RAET1E: variants seen among roughly 807,000 people sequenced by gnomAD.
RAET1E encodes retinoic acid early transcript 1E.
A neutral mutation model predicts 21.1 loss-of-function variants in RAET1E; 27 were observed. The ratio of observed to expected loss-of-function variants is 1.28; its 90% CI spans 0.94 to 1.76. The LOEUF (loss-of-function observed/expected upper bound fraction) is 1.76, where lower values mean the gene tolerates loss of function less well. Among genes scored for constraint, RAET1E ranks in the 40% most tolerant of loss-of-function variants. The probability of loss-of-function intolerance (pLI) is 0.00; values close to 1 mark genes in which losing one functional copy is unlikely to be tolerated. For synonymous variants in RAET1E, 113 were observed against 115.0 expected (o/e 0.98, Z 0.11); for missense variants, 310 against 311.3 (o/e 1.00, Z 0.03).
In RAET1E at chr6:149,890,161, G is replaced by T; in HGVS notation, c.86-16C>A. On this transcript the variant is annotated splice_polypyrimidine_tract_variant and intron_variant, in intron 3 of 5. Coordinates refer to ENST00000357183, the MANE Select transcript of RAET1E (RefSeq NM_001394057.1). ...GAGTGACCACCTGTGAGACAAAGAT[G>T]CAGGTGAGGTCCAGGACAGGGGAAG... 1 of 1,613,566 alleles carries T rather than the reference G, an allele frequency of 6.2e-7. No homozygotes were observed. Among genetic ancestry groups the T allele is most frequent in the Admixed American group, 1.7e-5 (1 of 59,974 alleles).
chr6:149,885,042 G>A lies in RAET1E; in HGVS notation c.*3456C>T, dbSNP rs1386106182. Among the ~76,000 whole-genome samples, 1 of 152,132 alleles carries A rather than the reference G, an allele frequency of 6.6e-6. No individual in the cohort carries two copies. Among genetic ancestry groups the A allele is most frequent in the Non-Finnish European group, 1.5e-5 (1 of 68,000 alleles). On this transcript the variant is annotated 3_prime_UTR_variant, in exon 6 of 6. Coordinates refer to ENST00000357183, the MANE Select transcript of RAET1E (RefSeq NM_001394057.1). ...AGCCTGCTTTGTTGGAGCCCAGGCA[G>A]CCTTCTTCATTATGTCCTCCTAGGA... is the stretch of plus-strand genomic sequence containing the variant.
chr6:149,889,258 T>A (rs940438491), intron 5 of RAET1E, 90 bp downstream of exon 5: 37 of 1,527,574 alleles, frequency 2.4e-5, no homozygotes, highest in Non-Finnish European at 3.1e-5. Context: ...TCAATCAAAT[T>A]TTCTATCGCA....
rs200618367 is a variant in RAET1E, at chr6:149,888,145, C to T, written c.*353G>A. The T allele has an allele frequency of 2.4e-5, 13 of 540,838 alleles. No individual in the cohort carries two copies. The highest frequency in any genetic ancestry group is 8.0e-5 in the Admixed American group (4 of 49,806). 33.5% of individuals were successfully genotyped at this position (540,838 alleles called of 1,614,324 possible). A position where few individuals can be genotyped will look rare whatever the true frequency, so the allele number is the denominator to read the frequency against. Reference sequence around the variant, plus strand: ...TGGGAGTAAATGCTGCAGCCACAAGCGCCACCAGCAAGTCTTCTCAGGGTG... The same window carrying T: ...TGGGAGTAAATGCTGCAGCCACAAGTGCCACCAGCAAGTCTTCTCAGGGTG... On this transcript the variant is annotated 3_prime_UTR_variant, in exon 6 of 6. Coordinates refer to ENST00000357183, the MANE Select transcript of RAET1E (RefSeq NM_001394057.1).
In RAET1E at chr6:149,886,888, G is replaced by A. The variant is rs7768665; in HGVS notation, c.*1610C>T. On this transcript the variant is annotated 3_prime_UTR_variant, in exon 6 of 6. Coordinates refer to ENST00000357183, the MANE Select transcript of RAET1E (RefSeq NM_001394057.1). ...TAGGAATGTGTCATGGGCACACAAA[G>A]CTCTTTTTCCCTGGGTGCTGCTCTT... is the stretch of plus-strand genomic sequence containing the variant. 0.44 allele frequency among the ~76,000 whole-genome samples: 67,427 copies of A among 152,072 alleles called. 15,643 individuals carry two copies. Among genetic ancestry groups the A allele is most frequent in the East Asian group, 0.88 (4,564 of 5,164 alleles).
At position 149,886,896 on chromosome 6, in the gene RAET1E, T is replaced by G. The variant is rs558177055; in HGVS notation, c.*1602A>C. On this transcript the variant is annotated 3_prime_UTR_variant, in exon 6 of 6. Transcript: ENST00000357183. ...TGTCATGGGCACACAAAGCTCTTTT[T>G]CCCTGGGTGCTGCTCTTCCCCGTGA... Among the ~76,000 whole-genome samples, 164 of 152,350 alleles carry G rather than the reference T, an allele frequency of 1.1e-3. No individual in the cohort carries two copies. The highest frequency in any genetic ancestry group is 2.0e-3 in the Non-Finnish European group (134 of 68,030).
rs1777665548 is a variant in RAET1E at position 149,887,620 on chromosome 6, T to C, written c.*878A>G. Among the ~76,000 whole-genome samples the C allele has an allele frequency of 6.6e-6, 1 of 152,232 alleles. No homozygotes were observed. The highest frequency in any genetic ancestry group is 2.4e-5 in the African/African-American group (1 of 41,462). On this transcript the variant is annotated 3_prime_UTR_variant, in exon 6 of 6. Transcript: ENST00000357183. ...AGAATCATTTCTTACATCAGAAACA[T>C]TGATCCTCAGTGAGTCAGATGGAGT...
In RAET1E at chr6:149,883,662, A is replaced by C. The variant is rs950443958; in HGVS notation, c.*4836T>G. On this transcript the variant is annotated 3_prime_UTR_variant, in exon 6 of 6. Transcript: ENST00000357183. ...CAGTGAGCCGGGATCGCACCACTAC[A>C]CTCCAGCCTGGGAGATAGAGTGAGA... is the stretch of plus-strand genomic sequence containing the variant. 5.8e-5 allele frequency: 9 copies of C among 154,076 alleles called. No individual in the cohort carries two copies. Among genetic ancestry groups the C allele is most frequent in the African/African-American group, 2.2e-4 (9 of 41,430 alleles). The allele number at this position is 154,076 out of a possible 1,614,324, so 9.5% of individuals were successfully genotyped here.
At position 149,884,309 on chromosome 6, in the gene RAET1E, A is replaced by ATT; in HGVS notation, c.*4187_*4188dup. 5.8e-5 allele frequency: 28 copies of ATT among 486,878 alleles called. No homozygotes were observed. Among genetic ancestry groups the ATT allele is most frequent in the Non-Finnish European group, 7.0e-5 (19 of 271,684 alleles). The allele number at this position is 486,878 out of a possible 1,614,324, so 30.2% of individuals were successfully genotyped here. ...TTTAAAAAATATGTACTGAAAAAAA[A>ATT]TTTTTTTTTTTTGAGACGGAGTCTT... On this transcript the variant is annotated 3_prime_UTR_variant, in exon 6 of 6. Coordinates refer to ENST00000357183, the MANE Select transcript of RAET1E (RefSeq NM_001394057.1).
In RAET1E at chr6:149,889,713, G is replaced by T. The variant is rs547484305; in HGVS notation, c.347-90C>A. The stretch of plus-strand genomic sequence containing the variant: ...CAAGTGTTTCTCTGCACATTTAGGG[G>T]TCTGTATTCTTTCTGCCCAGACTTG... On this transcript the variant is annotated intron_variant, in intron 4 of 5. Transcript: ENST00000357183. The T allele has an allele frequency of 2.6e-5, 40 of 1,525,760 alleles. No individual in the cohort carries two copies. In the African/African-American group the frequency reaches 2.9e-4, roughly 11 times the overall value. 94.5% of individuals were successfully genotyped at this position (1,525,760 alleles called of 1,614,324 possible). A position where few individuals can be genotyped will look rare whatever the true frequency, so the allele number is the denominator to read the frequency against.
rs548637464 is a variant in RAET1E, at chr6:149,885,931, C to T, written c.*2567G>A. ...AACAATGTGATAATTTTTCTGTGGT[C>T]AGAGTTTCTGAGCTACGAGTGGGGG... On this transcript the variant is annotated 3_prime_UTR_variant, in exon 6 of 6. Transcript: ENST00000357183. Among the ~76,000 whole-genome samples the T allele has an allele frequency of 6.6e-6, 1 of 152,318 alleles. No homozygotes were observed. The highest frequency in any genetic ancestry group is 1.9e-4 in the East Asian group (1 of 5,186).
At chr6:149,897,854 C>T (rs542454347) in intron 1 of RAET1E, among the ~76,000 whole-genome samples, 167 bp downstream of exon 1, 11 of 151,976 alleles carry the variant, frequency 7.2e-5, no homozygotes, top group African/African-American at 2.2e-4. Context: ...CCTTATCCAG[C>T]GTCCCCGCCG....
chr6:149,897,218 G>A (rs73612445), intron 1 of RAET1E, among the ~76,000 whole-genome samples: 12,234 of 152,064 alleles, frequency 0.08, 1,662 homozygotes, highest in African/African-American at 0.28. Flanking sequence ...TTTTTGGTGT[G>A]GAGATGGGGT....
At position 149,889,971 on chromosome 6, in the gene RAET1E, C is replaced by A. The variant is rs758548853; in HGVS notation, c.260G>T (p.Trp87Leu). The change falls in exon 4 of 6, where the codon TGG (tryptophan) becomes TTG (leucine). Residue 87 changes from tryptophan to leucine, a missense_variant. Physicochemically the swap from Trp to Leu is moderately conservative, Grantham distance 61. Coordinates refer to ENST00000357183, the MANE Select transcript of RAET1E (RefSeq NM_001394057.1). Reference protein sequence around the residue: ...LGKKVYATSTWGELTQTLGEV... With the variant: ...LGKKVYATSTLGELTQTLGEV... ...TCCCAGCGTTTGGGTCAATTCTCCC[C>A]AAGTGCTGGTGGCATATACCTTCTT... The A allele has an allele frequency of 9.9e-6, 16 of 1,614,126 alleles. No homozygotes were observed. Among genetic ancestry groups the A allele is most frequent in the African/African-American group, 1.3e-5 (1 of 75,020 alleles).
chr6:149,897,762 G>A (rs553501722), intron 1 of RAET1E, among the ~76,000 whole-genome samples: 3 of 152,248 alleles, frequency 2.0e-5, no homozygotes, highest in South Asian at 2.1e-4. Context: ...GGGCGATTGG[G>A]ACTCCAGACT....
rs754159063 is a variant in RAET1E at position 149,888,600 on chromosome 6, C to T, written c.690G>A (p.Leu230=). The T allele has an allele frequency of 1.2e-6, 2 of 1,609,476 alleles. No individual in the cohort carries two copies. Among genetic ancestry groups the T allele is most frequent in the Non-Finnish European group, 1.7e-6 (2 of 1,179,552 alleles). Reference sequence around the variant, plus strand: ...TTAAAACTAACAGGATGAATGCCCCCAGGATGATCCATCTATCTGGTAGAC... The same window carrying T: ...TTAAAACTAACAGGATGAATGCCCCTAGGATGATCCATCTATCTGGTAGAC... ...SSSLPDRWII[L]GAFILLVLMG... The change falls in exon 6 of 6, where the codon CTG becomes CTA. Residue 230 remains leucine, a synonymous_variant. Coordinates refer to ENST00000357183, the MANE Select transcript of RAET1E (RefSeq NM_001394057.1).
Position 149,884,636 on chromosome 6 carries a change from C to T in RAET1E, c.*3862G>A. ...ATCAGCCGCTATTGTTCACATTCTG[C>T]CTCTCTGTCATCTAGTTTATGATTG... On this transcript the variant is annotated 3_prime_UTR_variant, in exon 6 of 6. Coordinates refer to ENST00000357183, the MANE Select transcript of RAET1E (RefSeq NM_001394057.1). The T allele has an allele frequency of 1.3e-6, 1 of 754,014 alleles. No individual in the cohort carries two copies. Among genetic ancestry groups the T allele is most frequent in the Non-Finnish European group, 2.2e-6 (1 of 447,810 alleles). 46.7% of individuals were successfully genotyped at this position (754,014 alleles called of 1,614,324 possible).
intron 2 of RAET1E, 34 bp downstream of exon 2, chr6:149,895,812 A>T (rs1778093964): frequency 6.6e-6 from 1 of 152,254 alleles, no homozygotes; most frequent in Non-Finnish European, 1.5e-5. Context: ...CAGAATAGAC[A>T]AGGTGGCTGA....
Position 149,886,429 on chromosome 6 carries a change from C to G in RAET1E, c.*2069G>C, listed in dbSNP as rs1777611306. On this transcript the variant is annotated 3_prime_UTR_variant, in exon 6 of 6. Transcript: ENST00000357183. ...TTATTTATTGAGATGGAATCTCACT[C>G]TGTCACCCAGGCTGGAGTGCAATGG... is the stretch of plus-strand genomic sequence containing the variant. Among the ~76,000 whole-genome samples the G allele has an allele frequency of 6.6e-6, 1 of 152,208 alleles. No individual in the cohort carries two copies. Among genetic ancestry groups the G allele is most frequent in the African/African-American group, 2.4e-5 (1 of 41,446 alleles).
rs1777547657 is a variant in RAET1E at position 149,885,026 on chromosome 6, T to C, written c.*3472A>G. Among the ~76,000 whole-genome samples, 1 of 152,156 alleles carries C rather than the reference T, an allele frequency of 6.6e-6. No homozygotes were observed. Among genetic ancestry groups the C allele is most frequent in the Non-Finnish European group, 1.5e-5 (1 of 68,000 alleles). On this transcript the variant is annotated 3_prime_UTR_variant, in exon 6 of 6. Transcript: ENST00000357183. ...GTGTGGCCCTGCCTCCAGCCTGCTTTGTTGGAGCCCAGGCAGCCTTCTTCA... is the reference window on the plus strand; with the variant it reads ...GTGTGGCCCTGCCTCCAGCCTGCTTCGTTGGAGCCCAGGCAGCCTTCTTCA...
Sources: allele counts gnomAD v4.1 joint callset (sites outside exome capture counted in the v4.1 genomes callset), GRCh38; gene constraint gnomAD v4.1.1; transcripts MANE v1.5; gene names NCBI Gene and HGNC (gene_info 2026-07-23, HGNC 2026-07-21).